Variants in CNTN5 observed in about 807,000 individuals in gnomAD.
The protein encoded by CNTN5 is contactin-5.
A neutral mutation model predicts 129.1 loss-of-function variants in CNTN5; 77 were observed. The observed-to-expected ratio is 0.60, with a 90% CI of 0.50 to 0.72. The LOEUF (loss-of-function observed/expected upper bound fraction) is 0.72, where lower values mean the gene tolerates loss of function less well. CNTN5 is among the 30% of genes least tolerant of loss of function. The pLI is 0.00. For synonymous variants in CNTN5, 509 were observed against 465.6 expected (o/e 1.09, Z -1.20); for missense variants, 1,478 against 1,328.8 (o/e 1.11, Z -1.75).
At position 100,299,220 on chromosome 11, in the gene CNTN5, C is replaced by A; in HGVS notation, c.2444C>A (p.Pro815His). ...TTCGGCTATATTGTGGCTTTCAGAC[C>A]CAATGGAACACGTGGCTGGAAGGAA... ...EGFGYIVAFR[P>H]NGTRGWKEKM... is the part of the protein sequence containing the mutation. Residue 815 changes from proline to histidine, a missense_variant, in exon 20 of 25, where the codon CCC (proline) becomes CAC (histidine). Transcript: ENST00000524871. 1 of 1,609,814 alleles carries A rather than the reference C, an allele frequency of 6.2e-7. No homozygotes were observed. The highest frequency in any genetic ancestry group is 8.5e-7 in the Non-Finnish European group (1 of 1,177,348).
At chr11:99,065,053 T>A (rs967194261) in intron 1 of CNTN5, among the ~76,000 whole-genome samples, 1 of 152,120 alleles carries the variant, frequency 6.6e-6, no homozygotes, top group Non-Finnish European at 1.5e-5. Context: ...GTTTGCTTTT[T>A]AATTTGCTCT....
chr11:99,908,668 T>G (rs1949574983), intron 6 of CNTN5, among the ~76,000 whole-genome samples: 4 of 152,120 alleles, frequency 2.6e-5, no homozygotes, highest in Admixed American at 2.6e-4. Context: ...CATTGTAGAT[T>G]AGTTATCATT....
At chr11:99,753,413 C>T (rs569779655) in intron 3 of CNTN5, among the ~76,000 whole-genome samples, 1 of 151,598 alleles carries the variant, frequency 6.6e-6, no homozygotes, top group Admixed American at 6.6e-5. Flanking sequence ...TGAGCCACCG[C>T]GCCCGGCCTG....
chr11:99,583,392 C>A (rs1202146299), intron 3 of CNTN5, among the ~76,000 whole-genome samples: 1 of 152,188 alleles, frequency 6.6e-6, no homozygotes, highest in East Asian at 1.9e-4. Flanking sequence ...TTACTGCTGT[C>A]TTTTTGTTTG....
intron 1 of CNTN5, among the ~76,000 whole-genome samples, chr11:99,159,752 A>G (rs1179102274): frequency 6.6e-6 from 1 of 152,234 alleles, no homozygotes; most frequent in Non-Finnish European, 1.5e-5. Flanking sequence ...GGGATAATAA[A>G]TTCAGCTCTA....
At chr11:99,181,243 T>C (rs1438217247) in intron 1 of CNTN5, among the ~76,000 whole-genome samples, 1 of 152,132 alleles carries the variant, frequency 6.6e-6, no homozygotes, top group Non-Finnish European at 1.5e-5. Context: ...TGGGGGCAGG[T>C]ATTGCCACCC....
intron 13 of CNTN5, among the ~76,000 whole-genome samples, chr11:100,155,509 T>A (rs1014603844): frequency 1.6e-4 from 24 of 152,236 alleles, no homozygotes; most frequent in African/African-American, 4.3e-4. Context: ...TATGGGCTCT[T>A]TTTTTGTTCA....
chr11:99,240,565 C>T (rs1861495660), intron 1 of CNTN5, among the ~76,000 whole-genome samples: 1 of 152,096 alleles, frequency 6.6e-6, no homozygotes, highest in Admixed American at 6.6e-5. Context: ...TCCTCTCTCT[C>T]CCCTTCATCT....
At chr11:100,353,243 T>G (rs1952453989) in intron 24 of CNTN5, among the ~76,000 whole-genome samples, 1 of 151,584 alleles carries the variant, frequency 6.6e-6, no homozygotes, top group Non-Finnish European at 1.5e-5. Flanking sequence ...TGGGAAACTC[T>G]TACACTATTG....
At chr11:99,031,260 G>T (rs1174396268) in intron 1 of CNTN5, among the ~76,000 whole-genome samples, 1 of 151,788 alleles carries the variant, frequency 6.6e-6, no homozygotes, top group African/African-American at 2.4e-5. Flanking sequence ...TTTTGGATTG[G>T]CTACTATGTC....
chr11:99,034,395 G>A (rs1196534322), intron 1 of CNTN5, among the ~76,000 whole-genome samples: 3 of 151,506 alleles, frequency 2.0e-5, no homozygotes, highest in Non-Finnish European at 4.4e-5. Context: ...AATCCATCTG[G>A]TCCTGGACTC....
intron 8 of CNTN5, among the ~76,000 whole-genome samples, chr11:100,000,711 A>G (rs186711488): frequency 1.2e-3 from 178 of 152,280 alleles, no homozygotes; most frequent in Non-Finnish European, 2.0e-3. Context: ...TCCATTAGGG[A>G]TCTTTCCCTG....
At position 99,598,353 on chromosome 11, in the gene CNTN5, TCTCTCTCTCTCTCTCTCTCTCC is replaced by T. The variant is rs1253245629; in HGVS notation, c.55+42097_55+42118del. Among the ~76,000 whole-genome samples the T allele has an allele frequency of 1.2e-4, 6 of 50,886 alleles. 1 individual carries two copies. The highest frequency in any genetic ancestry group is 1.3e-3 in the South Asian group (1 of 780). The allele number at this position is 50,886 out of a possible 152,430, so 33.4% of individuals were successfully genotyped here. On this transcript the variant is annotated intron_variant, in intron 3 of 24. Transcript: ENST00000524871. ...CCCTCTCTCTCTCTCTCTCTCTCTC[TCTCTCTCTCTCTCTCTCTCTCC>T]CTCTCTCTCTCTGTCTCCTTCCTTC...
intron 2 of CNTN5, among the ~76,000 whole-genome samples, chr11:99,362,489 A>G (rs985261212): frequency 6.6e-6 from 1 of 152,028 alleles, no homozygotes; most frequent in Non-Finnish European, 1.5e-5. Context: ...TTTTGATAAA[A>G]AACAATTTAT....
At chr11:99,139,869 T>C (rs1859428775) in intron 1 of CNTN5, among the ~76,000 whole-genome samples, 1 of 152,176 alleles carries the variant, frequency 6.6e-6, no homozygotes, top group African/African-American at 2.4e-5. Context: ...ATCCTTCTAT[T>C]AAATATGAGA....
At chr11:99,397,017 T>A (rs1376961268) in intron 2 of CNTN5, among the ~76,000 whole-genome samples, 5 of 151,682 alleles carry the variant, frequency 3.3e-5, no homozygotes, top group Non-Finnish European at 7.4e-5. Context: ...TTTGACAAAT[T>A]GCCTAAAATC....
chr11:99,708,154 G>A (rs1445213286), intron 3 of CNTN5, among the ~76,000 whole-genome samples: 3 of 151,598 alleles, frequency 2.0e-5, no homozygotes, highest in African/African-American at 7.3e-5. Context: ...TCTTCCCCTG[G>A]CTTGGTATAA....
At chr11:99,455,882 C>T (rs762614985) in intron 2 of CNTN5, among the ~76,000 whole-genome samples, 4 of 152,050 alleles carry the variant, frequency 2.6e-5, no homozygotes, top group Non-Finnish European at 4.4e-5. Context: ...GATCTTTATT[C>T]GTTAGTCCTA....
chr11:100,350,603 A>G, intron 23 of CNTN5, 99 bp from the exon 24 acceptor site: 1 of 831,490 alleles, frequency 1.2e-6, no homozygotes. Context: ...CTAAACTGTA[A>G]GCTCCTTGTG....
Sources: allele counts gnomAD v4.1 joint callset (sites outside exome capture counted in the v4.1 genomes callset), GRCh38; gene constraint gnomAD v4.1.1; transcripts MANE v1.5; gene names NCBI Gene and HGNC (gene_info 2026-07-23, HGNC 2026-07-21).